EML4: variants seen among roughly 807,000 people sequenced by gnomAD.
The protein encoded by EML4 is EMAP like 4.
In EML4, 72 loss-of-function variants were observed where a neutral mutation model predicts 129.0. The ratio of observed to expected loss-of-function variants is 0.56; its 90% confidence interval spans 0.46 to 0.68. The LOEUF (loss-of-function observed/expected upper bound fraction) is 0.68. Among genes scored for constraint, EML4 ranks in the 30% least tolerant of loss-of-function variants. The pLI is 0.00. For synonymous variants in EML4, 532 were observed against 405.0 expected, an observed-to-expected ratio of 1.31 and a Z score of -3.77; for missense variants, 1,363 against 1,190.6, an observed-to-expected ratio of 1.14 and a Z score of -2.13.
chr2:42,200,968 A>T (rs1468541793), intron 1 of EML4, among the ~76,000 whole-genome samples: 5 of 152,170 alleles, frequency 3.3e-5, no homozygotes. Flanking sequence ...CCTAAGGATG[A>T]CCCTAAGAAA....
intron 1 of EML4, among the ~76,000 whole-genome samples, chr2:42,235,990 C>A (rs1674651161): frequency 6.6e-6 from 1 of 152,122 alleles, no homozygotes; most frequent in African/African-American, 2.4e-5. Flanking sequence ...CTTCCCTCCC[C>A]CTCCCTAAAA....
chr2:42,263,796 C>G (rs1221215610), intron 5 of EML4, among the ~76,000 whole-genome samples: 2 of 152,096 alleles, frequency 1.3e-5, no homozygotes, highest in African/African-American at 4.8e-5. Flanking sequence ...GTGGCACAAT[C>G]TTGGCTCACT....
intron 1 of EML4, among the ~76,000 whole-genome samples, chr2:42,206,417 T>C (rs2103993762): frequency 6.6e-6 from 1 of 152,292 alleles, no homozygotes; most frequent in Admixed American, 6.5e-5. Flanking sequence ...GATTTCACTG[T>C]CTTGCCCAGG....
chr2:42,213,657 G>A (rs1464760386), intron 1 of EML4, among the ~76,000 whole-genome samples: 1 of 152,034 alleles, frequency 6.6e-6, no homozygotes, highest in Non-Finnish European at 1.5e-5. Flanking sequence ...TCGCAGCAGC[G>A]ATATGAATCT....
chr2:42,221,403 C>CTTTTTTTTTTTTTTTTT lies in EML4; in HGVS notation c.26-24094_26-24078dup, dbSNP rs74816568. Reference sequence around the variant, plus strand: ...AGCACATTGTTTACAACATGGTTTACTTTTTTTTTTTTTTTTTTTTTTTTG... The same window carrying CTTTTTTTTTTTTTTTTT: ...AGCACATTGTTTACAACATGGTTTACTTTTTTTTTTTTTTTTTTTTTTTTTTTTTTTTTTTTTTTTTG... On this transcript the variant is annotated intron_variant, in intron 1 of 22. Coordinates refer to ENST00000318522, the MANE Select transcript of EML4 (RefSeq NM_019063.5). 6.5e-5 allele frequency among the ~76,000 whole-genome samples: 7 copies of CTTTTTTTTTTTTTTTTT among 108,252 alleles called. 1 individual carries two copies. Among genetic ancestry groups the CTTTTTTTTTTTTTTTTT allele is most frequent in the African/African-American group, 2.3e-4 (7 of 30,328 alleles). The allele number at this position is 108,252 out of a possible 152,430, so 71.0% of individuals were successfully genotyped here.
chr2:42,252,593 A>G (rs956994384), intron 2 of EML4, among the ~76,000 whole-genome samples: 5 of 152,194 alleles, frequency 3.3e-5, no homozygotes, highest in African/African-American at 1.2e-4. Context: ...TCTGTGAACT[A>G]TCCCCTCTTT....
chr2:42,277,757 C>T (rs1254624301), intron 6 of EML4, among the ~76,000 whole-genome samples: 3 of 151,972 alleles, frequency 2.0e-5, no homozygotes, highest in Admixed American at 6.6e-5. Context: ...TTAGTAGAGA[C>T]GGGGTTTCAC....
chr2:42,260,162 G>A (rs148530270), intron 3 of EML4, among the ~76,000 whole-genome samples: 3,902 of 151,264 alleles, frequency 0.026, 84 homozygotes, highest in Non-Finnish European at 0.042. Context: ...ACCACACCCG[G>A]GCTCTGTGAT....
intron 1 of EML4, among the ~76,000 whole-genome samples, chr2:42,179,154 A>G (rs906309960): frequency 2.6e-5 from 4 of 152,244 alleles, no homozygotes; most frequent in African/African-American, 9.6e-5. Context: ...AAAAGAGCAC[A>G]TCAGTTACAG....
intron 6 of EML4, among the ~76,000 whole-genome samples, chr2:42,271,763 T>G (rs974629574): frequency 2.6e-5 from 4 of 152,188 alleles, no homozygotes; most frequent in African/African-American, 9.7e-5. Flanking sequence ...TTTTCAGTCT[T>G]CAAGTCTGCC....
chr2:42,225,618 T>C (rs1673909884), intron 1 of EML4, among the ~76,000 whole-genome samples: 1 of 152,160 alleles, frequency 6.6e-6, no homozygotes, highest in Non-Finnish European at 1.5e-5. Context: ...CCAGACTTTA[T>C]TTACATTTTT....
At chr2:42,210,050 C>A (rs1463525548) in intron 1 of EML4, among the ~76,000 whole-genome samples, 1 of 152,066 alleles carries the variant, frequency 6.6e-6, no homozygotes, top group Non-Finnish European at 1.5e-5. Context: ...CCCCCCATTC[C>A]CTTATTATTA....
intron 1 of EML4, among the ~76,000 whole-genome samples, chr2:42,244,107 T>TTTG (rs1553374616): frequency 1.5e-5 from 2 of 135,292 alleles, no homozygotes; most frequent in African/African-American, 5.2e-5. Context: ...TTTTGTTTTT[T>TTTG]TTTTTTTTTT....
chr2:42,276,011 A>G (rs572132054), intron 6 of EML4, among the ~76,000 whole-genome samples: 43 of 152,252 alleles, frequency 2.8e-4, no homozygotes, highest in African/African-American at 9.4e-4. Flanking sequence ...CATACTGACT[A>G]TAAGTTTTAT....
rs181405685 is a variant in EML4, at chr2:42,187,455, T to C, written c.25+17819T>C. On this transcript the variant is annotated intron_variant, in intron 1 of 22. Coordinates refer to ENST00000318522, the MANE Select transcript of EML4 (RefSeq NM_019063.5). ...TTAGAGATTCATCCATGTTGTTTGT[T>C]TCACTAGTTCGTTCCTTTTCATTGC... 1.1e-3 allele frequency among the ~76,000 whole-genome samples: 162 copies of C among 152,342 alleles called. 1 individual carries two copies. The highest frequency in any genetic ancestry group is 8.5e-4 in the Non-Finnish European group (58 of 68,036).
chr2:42,195,431 T>C (rs556083836), intron 1 of EML4, among the ~76,000 whole-genome samples: 1 of 152,214 alleles, frequency 6.6e-6, no homozygotes, highest in Non-Finnish European at 1.5e-5. Context: ...ACATTAGAAA[T>C]AATTTTTCAG....
intron 1 of EML4, among the ~76,000 whole-genome samples, chr2:42,197,202 A>C (rs558404834): frequency 3.5e-4 from 54 of 152,168 alleles, no homozygotes; most frequent in African/African-American, 1.3e-3. Flanking sequence ...GGCTGGCACC[A>C]CAGGCACGCA....
intron 8 of EML4, among the ~76,000 whole-genome samples, chr2:42,283,208 C>G (rs1051383598): frequency 6.6e-6 from 1 of 152,232 alleles, no homozygotes; most frequent in Non-Finnish European, 1.5e-5. Flanking sequence ...GGAACCTCTT[C>G]TGCTTTCTCA....
At chr2:42,219,367 T>C (rs1189014817) in intron 1 of EML4, among the ~76,000 whole-genome samples, 3 of 152,168 alleles carry the variant, frequency 2.0e-5, no homozygotes, top group Admixed American at 1.3e-4. Flanking sequence ...ACTATGGGAC[T>C]TGAGTATGCC....
Sources: gnomAD v4.1 joint callset for allele counts (sites outside exome capture counted in the v4.1 genomes callset) on GRCh38, gnomAD v4.1.1 for gene constraint, MANE v1.5 for transcripts, NCBI Gene and HGNC (gene_info 2026-07-23, HGNC 2026-07-21) for gene names.